The following BRDT variants were observed in gnomAD, a reference collection of about 807,000 sequenced individuals.
The protein encoded by BRDT is bromodomain testis associated.
Under a neutral mutation model 113.9 loss-of-function variants are expected in BRDT, and 77 were observed. The ratio of observed to expected loss-of-function variants is 0.68; its 90% CI spans 0.56 to 0.82. The LOEUF is 0.82. Ranked by LOEUF, BRDT falls within the 40% of genes least tolerant of loss-of-function variation. BRDT has a pLI of 0.00. For synonymous variants in BRDT, 358 were observed against 366.5 expected (o/e 0.98, Z 0.26); for missense variants, 1,027 against 1,105.4 (o/e 0.93, Z 1.01).
At chr1:91,992,456 A>G (rs1685884898) in intron 14 of BRDT, 142 bp downstream of exon 14, 2 of 588,430 alleles carry the variant, frequency 3.4e-6, no homozygotes, top group Admixed American at 4.1e-5. Context: ...TCAGAGAAAT[A>G]TGGAAGCTGA....
At chr1:91,972,973 A>C (rs1415963789) in intron 4 of BRDT, among the ~76,000 whole-genome samples, 1 of 152,190 alleles carries the variant, frequency 6.6e-6, no homozygotes, top group African/African-American at 2.4e-5. Context: ...AAGCAGAATA[A>C]GAGCTAGACA....
intron 1 of BRDT, among the ~76,000 whole-genome samples, chr1:91,960,196 A>G (rs1459275523): frequency 6.6e-6 from 1 of 152,228 alleles, no homozygotes; most frequent in Non-Finnish European, 1.5e-5. Flanking sequence ...CCACTTGTGT[A>G]TATATATCCA....
intron 3 of BRDT, among the ~76,000 whole-genome samples, chr1:91,967,460 A>G (rs371560718): frequency 1.2e-4 from 18 of 147,802 alleles, no homozygotes; most frequent in African/African-American, 4.0e-4. Flanking sequence ...GTGCGATGGC[A>G]CTATCTCAGC....
intron 3 of BRDT, among the ~76,000 whole-genome samples, chr1:91,965,725 T>C (rs6689033): frequency 0.72 from 109,322 of 151,892 alleles, 40,243 homozygotes; most frequent in Middle Eastern, 0.82. Context: ...CATGTGCCTG[T>C]AGTCCCAGCT....
At chr1:91,981,866 A>G (rs1028505464) in intron 12 of BRDT, 111 bp downstream of exon 12, 37 of 1,326,498 alleles carry the variant, frequency 2.8e-5, no homozygotes, top group Non-Finnish European at 3.7e-5. Context: ...CATGGTTTGT[A>G]TATCATGCTA....
rs201960981 is a variant in BRDT at position 92,010,331 on chromosome 1, G to GC, written c.2776-3874dup. On this transcript the variant is annotated intron_variant, in intron 18 of 18. Transcript: ENST00000399546. ...CTGTTGCTCAGGCTGCAGTGCAGTGGCGTGATCTCGGCTCACTGCAACCTC... is the reference window on the plus strand; with the variant it reads ...CTGTTGCTCAGGCTGCAGTGCAGTGGCCGTGATCTCGGCTCACTGCAACCTC... 3.5e-3 allele frequency among the ~76,000 whole-genome samples: 480 copies of GC among 136,964 alleles called. 1 individual carries two copies. Among genetic ancestry groups the GC allele is most frequent in the African/African-American group, 0.012 (458 of 37,300 alleles). The allele number at this position is 136,964 out of a possible 152,430, so 89.9% of individuals were successfully genotyped here.
intron 15 of BRDT, among the ~76,000 whole-genome samples, chr1:91,998,527 A>G (rs1686556676): frequency 6.6e-6 from 1 of 152,202 alleles, no homozygotes; most frequent in South Asian, 2.1e-4. Flanking sequence ...ACCAAATTAT[A>G]TTGAGTTTTT....
intron 1 of BRDT, among the ~76,000 whole-genome samples, chr1:91,953,388 A>T (rs1681342882): frequency 6.6e-6 from 1 of 152,180 alleles, no homozygotes; most frequent in Non-Finnish European, 1.5e-5. Flanking sequence ...AGGGAATTCA[A>T]AAATTTGTCA....
In BRDT at chr1:91,976,356, C is replaced by A; in HGVS notation, c.536C>A (p.Ser179Tyr). Reference protein sequence around the residue: ...EKVFKQQEIPSVFPKTSISPL... With the variant: ...EKVFKQQEIPYVFPKTSISPL... ...GTATTTAAGCAGCAAGAAATTCCTT[C>A]TGTATTTCCTAAGACATCTATTTCT... Residue 179 changes from serine (S) to tyrosine (Y), a missense_variant, in exon 5 of 19, where the codon TCT becomes TAT. Physicochemically the swap from Ser to Tyr is moderately radical, Grantham distance 144. Coordinates refer to ENST00000399546, the MANE Select transcript of BRDT (RefSeq NM_207189.4). The A allele has an allele frequency of 6.2e-7, 1 of 1,612,834 alleles. No individual in the cohort carries two copies. The highest frequency in any genetic ancestry group is 8.5e-7 in the Non-Finnish European group (1 of 1,179,490).
At chr1:91,971,865 T>A (rs1683660352) in intron 4 of BRDT, among the ~76,000 whole-genome samples, 1 of 152,172 alleles carries the variant, frequency 6.6e-6, no homozygotes, top group Admixed American at 6.6e-5. Context: ...CTCAACCATT[T>A]TATTCCTTTT....
At chr1:91,961,172 G>A (rs1311542324) in intron 1 of BRDT, among the ~76,000 whole-genome samples, 2 of 152,024 alleles carry the variant, frequency 1.3e-5, no homozygotes, top group South Asian at 2.1e-4. Context: ...TTAGCTGGGC[G>A]TGGTGGCAGG....
intron 3 of BRDT, among the ~76,000 whole-genome samples, chr1:91,967,095 A>G (rs1683140252): frequency 6.6e-6 from 1 of 152,118 alleles, no homozygotes; most frequent in African/African-American, 2.4e-5. Context: ...GTTGGCTTAG[A>G]AAAAAATATT....
chr1:91,990,517 T>A (rs909870023), intron 12 of BRDT, among the ~76,000 whole-genome samples: 2 of 152,216 alleles, frequency 1.3e-5, no homozygotes, highest in African/African-American at 4.8e-5. Context: ...GCATAATGGA[T>A]GCTGCTTGTT....
intron 16 of BRDT, 109 bp downstream of exon 16, chr1:92,002,258 C>G: frequency 1.3e-6 from 1 of 754,556 alleles, no homozygotes; most frequent in Non-Finnish European, 2.1e-6. Context: ...TGTTGGATCT[C>G]TAAGCCTAAT....
intron 1 of BRDT, among the ~76,000 whole-genome samples, chr1:91,960,581 CT>C (rs1179334075): frequency 6.6e-6 from 1 of 152,154 alleles, no homozygotes; most frequent in Non-Finnish European, 1.5e-5. Flanking sequence ...CATAGAGTTT[CT>C]GTTTTGCAAG....
intron 4 of BRDT, among the ~76,000 whole-genome samples, chr1:91,971,130 T>C (rs1191209431): frequency 6.6e-6 from 1 of 151,972 alleles, no homozygotes; most frequent in Non-Finnish European, 1.5e-5. Context: ...GGTGCTCTTT[T>C]AAGCAACCAG....
chr1:91,985,287 C>G (rs934659247), intron 12 of BRDT, among the ~76,000 whole-genome samples: 75 of 150,202 alleles, frequency 5.0e-4, no homozygotes, highest in African/African-American at 1.7e-3. Context: ...GTCTCGATCT[C>G]CTGACCTGGT....
intron 1 of BRDT, among the ~76,000 whole-genome samples, chr1:91,953,532 T>G (rs952744798): frequency 2.0e-5 from 3 of 151,658 alleles, no homozygotes; most frequent in Non-Finnish European, 4.4e-5. Flanking sequence ...ATACAAAAAT[T>G]AGCCAGGTAT....
In BRDT at chr1:92,005,138, A is replaced by G; in HGVS notation, c.2614A>G (p.Thr872Ala). The G allele has an allele frequency of 1.3e-6, 2 of 1,515,736 alleles. No individual in the cohort carries two copies. Among genetic ancestry groups the G allele is most frequent in the South Asian group, 2.7e-5 (2 of 73,468 alleles). The allele number at this position is 1,515,736 out of a possible 1,614,324, so 93.9% of individuals were successfully genotyped here. ...ENQRDLGNGLTVESFSNKIQN... is the reference protein window; with the variant it reads ...ENQRDLGNGLAVESFSNKIQN... ...TTTAAGGGATCTTGGGAATGGATTGACTGTAGAATCTTTTTCAAATAAAAT... is the reference window on the plus strand; with the variant it reads ...TTTAAGGGATCTTGGGAATGGATTGGCTGTAGAATCTTTTTCAAATAAAAT... The change falls in exon 18 of 19, where the codon ACT (threonine) becomes GCT (alanine). Residue 872 changes from threonine to alanine, a missense_variant. Physicochemically the swap from Thr to Ala is moderately conservative, Grantham distance 58. Transcript: ENST00000399546.
Sources: gnomAD v4.1 joint callset for allele counts (sites outside exome capture counted in the v4.1 genomes callset) on GRCh38, gnomAD v4.1.1 for gene constraint, MANE v1.5 for transcripts, NCBI Gene and HGNC (gene_info 2026-07-23, HGNC 2026-07-21) for gene names.